Variants in PTDSS2 observed in about 807,000 individuals in gnomAD.
PTDSS2 encodes the protein phosphatidylserine synthase 2, also known as PSS-2.
PTDSS2 carries 41 observed loss-of-function variants against 64.7 expected under a neutral mutation model. The observed-to-expected ratio is 0.63, with a 90% CI of 0.49 to 0.82. The LOEUF (loss-of-function observed/expected upper bound fraction) is 0.82. Ranked by LOEUF, PTDSS2 falls within the 40% of genes least tolerant of loss-of-function variation. The pLI is 0.00. For synonymous variants in PTDSS2, 297 were observed against 277.8 expected, an observed-to-expected ratio of 1.07 and a Z score of -0.69; for missense variants, 485 against 650.0, an observed-to-expected ratio of 0.75 and a Z score of 2.76.
chr11:481,949 T>TC (rs969182588), intron 4 of PTDSS2, among the ~76,000 whole-genome samples: 1 of 151,480 alleles, frequency 6.6e-6, no homozygotes, highest in African/African-American at 2.4e-5. Flanking sequence ...TTCAAGCAAT[T>TC]CCCCTGCCTC....
rs748590071 is a variant in PTDSS2, at chr11:481,691, C to T, written c.435+2539C>T. 6.6e-4 allele frequency among the ~76,000 whole-genome samples: 100 copies of T among 152,272 alleles called. 2 individuals carry two copies. The highest frequency in any genetic ancestry group is 1.2e-3 in the Non-Finnish European group (82 of 68,024). On this transcript the variant is annotated intron_variant, in intron 4 of 11. Transcript: ENST00000308020. ...ATGTAGCTCATTTTTGTGTACTGAT[C>T]TTGCGTCCTGCAACCGTGCTGAACT...
Position 470,148 on chromosome 11 carries a change from G to A in PTDSS2, c.285-3747G>A, listed in dbSNP as rs987419454. On this transcript the variant is annotated intron_variant, in intron 2 of 11. Transcript: ENST00000308020. The surrounding 1 kb of genome is among the most constrained non-coding windows in gnomAD (Gnocchi z 5.3). ...TGGTGACCTGACCTCCTTCCTGGGC[G>A]TGCAGCACGGAGAGGGCAGTGGGAG... Among the ~76,000 whole-genome samples the A allele has an allele frequency of 3.9e-5, 6 of 152,190 alleles. No homozygotes were observed. The highest frequency in any genetic ancestry group is 4.8e-5 in the African/African-American group (2 of 41,444).
intron 4 of PTDSS2, among the ~76,000 whole-genome samples, chr11:485,352 G>A (rs115656099): frequency 0.012 from 1,726 of 141,458 alleles, 48 homozygotes; most frequent in African/African-American, 0.044. Context: ...TGCTCACTGC[G>A]CAGGCGTCTG....
intron 1 of PTDSS2, among the ~76,000 whole-genome samples, chr11:457,895 C>T (rs186399818): frequency 2.6e-5 from 4 of 152,292 alleles, no homozygotes; most frequent in Non-Finnish European, 5.9e-5. Flanking sequence ...CATCTTGCTC[C>T]GAGACCTCAC....
chr11:490,423 C>T lies in PTDSS2; in HGVS notation c.1305C>T (p.Asp435=), dbSNP rs11539813. Residue 435 remains aspartate (D), a synonymous_variant, in exon 12 of 12, where the codon GAC becomes GAT. Transcript: ENST00000308020. ...TWTVWRFFLR[D]ITLRYKETRW... ...GACGCTGCATCCCGCTCCCCAGGGA[C>T]ATCACATTGAGGTACAAGGAGACCC... is the stretch of plus-strand genomic sequence containing the variant. 8,432 of 1,613,240 alleles carry T rather than the reference C, an allele frequency of 5.2e-3. 35 individuals carry two copies. The highest frequency in any genetic ancestry group is 0.013 in the Middle Eastern group (77 of 6,062).
intron 1 of PTDSS2, among the ~76,000 whole-genome samples, chr11:457,704 C>G (rs1564961281): frequency 6.6e-6 from 1 of 152,198 alleles, no homozygotes; most frequent in South Asian, 2.1e-4. Context: ...GCATGTAAGT[C>G]TTTGACTGGA....
chr11:485,075 A>G (rs56088382), intron 4 of PTDSS2, among the ~76,000 whole-genome samples: 274 of 48,906 alleles, frequency 5.6e-3, no homozygotes, highest in Middle Eastern at 0.05. Flanking sequence ...CTGCACGGGC[A>G]CGTGTGCTTA....
intron 1 of PTDSS2, among the ~76,000 whole-genome samples, chr11:453,597 G>A (rs922204126): frequency 3.9e-5 from 6 of 152,196 alleles, no homozygotes; most frequent in African/African-American, 1.2e-4. Flanking sequence ...ATCCTGGATC[G>A]GGGCTTTCCC....
chr11:461,193 T>C lies in PTDSS2; in HGVS notation c.284+905T>C, dbSNP rs1164328048. ...ACAGCTCTTGGGCCAGCACTTCATTTTGTAAAGCAAGAGTCTCGCTATCTT... is the reference window on the plus strand; with the variant it reads ...ACAGCTCTTGGGCCAGCACTTCATTCTGTAAAGCAAGAGTCTCGCTATCTT... On this transcript the variant is annotated intron_variant, in intron 2 of 11. Transcript: ENST00000308020. This position sits in a 1 kb window ranked among gnomAD's most constrained non-coding sequence, Gnocchi z 4.2. The C allele has an allele frequency of 6.6e-6, 1 of 152,216 alleles. No individual in the cohort carries two copies. The allele number at this position is 152,216 out of a possible 1,614,324, so 9.4% of individuals were successfully genotyped here.
Position 488,546 on chromosome 11 carries a change from C to A in PTDSS2, c.753C>A (p.Leu251=). 1 of 1,613,404 alleles carries A rather than the reference C, an allele frequency of 6.2e-7. No homozygotes were observed. Among genetic ancestry groups the A allele is most frequent in the Non-Finnish European group, 8.5e-7 (1 of 1,179,888 alleles). ...CCCTGCAGTGGATCATGGACGTGCT[C>A]GTCTGCAACGGGCTGGGCATCTACT... The part of the protein sequence containing the change: ...CWWDHWIMDV[L]VCNGLGIYCG... Residue 251 remains leucine (L), a synonymous_variant, in exon 8 of 12, where the codon CTC becomes CTA. Transcript: ENST00000308020.
In PTDSS2 at chr11:476,381, T is replaced by G. The variant is rs1847804940; in HGVS notation, c.367+2404T>G. Among the ~76,000 whole-genome samples the G allele has an allele frequency of 6.6e-6, 1 of 152,062 alleles. No individual in the cohort carries two copies. The highest frequency in any genetic ancestry group is 2.4e-5 in the African/African-American group (1 of 41,390). On this transcript the variant is annotated intron_variant, in intron 3 of 11. Transcript: ENST00000308020. This position sits in a 1 kb window ranked among gnomAD's most constrained non-coding sequence, Gnocchi z 4.9. ...AGTGAAAGGCCTGGCGCGGTGATGG[T>G]GAGAAACTTCCCGGCACACAGTGAA...
chr11:488,471 C>T, intron 7 of PTDSS2, 58 bp from the exon 8 acceptor site: 1 of 1,482,916 alleles, frequency 6.7e-7, no homozygotes, highest in Non-Finnish European at 9.4e-7. Context: ...TTCCGGGGTC[C>T]TCCTCGGGGG....
At chr11:481,754 C>CT (rs1848080246) in intron 4 of PTDSS2, among the ~76,000 whole-genome samples, 2 of 152,028 alleles carry the variant, frequency 1.3e-5, no homozygotes, top group African/African-American at 4.8e-5. Context: ...GGGGTAGACT[C>CT]TTAAGAATAT....
intron 5 of PTDSS2, 169 bp downstream of exon 5, chr11:487,242 G>T (rs533724871): frequency 1.2e-5 from 11 of 944,790 alleles, no homozygotes; most frequent in African/African-American, 4.9e-5. Context: ...GTGGGCAGGG[G>T]GCCCCTGCTC....
Position 487,082 on chromosome 11 carries a change from C to T in PTDSS2, c.570+9C>T. On this transcript the variant is annotated intron_variant, in intron 5 of 11. Coordinates refer to ENST00000308020, the MANE Select transcript of PTDSS2 (RefSeq NM_030783.3). ...CCTTTCACAACATCTGGGTAAGACG[C>T]CGGGGGCCCTGAGGCGAGCCCCTCC... is the stretch of plus-strand genomic sequence containing the variant. 4 of 1,610,450 alleles carry T rather than the reference C, an allele frequency of 2.5e-6. No individual in the cohort carries two copies. In the South Asian group the frequency reaches 4.4e-5, roughly 18 times the overall value.
At chr11:465,666 C>G (rs1847106940) in intron 2 of PTDSS2, among the ~76,000 whole-genome samples, 1 of 152,034 alleles carries the variant, frequency 6.6e-6, no homozygotes, top group South Asian at 2.1e-4. Context: ...GGTTCATGCC[C>G]TTAATCCTAG....
chr11:485,970 T>C (rs1848354665), intron 4 of PTDSS2, among the ~76,000 whole-genome samples: 1 of 132,880 alleles, frequency 7.5e-6, no homozygotes, highest in Non-Finnish European at 1.6e-5. Context: ...GGCGCGCGTG[T>C]GCTCACCGTG....
chr11:485,320 TGTAA>T (rs1384187036), intron 4 of PTDSS2, among the ~76,000 whole-genome samples: 1 of 112,220 alleles, frequency 8.9e-6, no homozygotes, highest in Non-Finnish European at 1.7e-5. Context: ...CGCAGGCGAG[TGTAA>T]GTGCACGAGC....
At chr11:481,074 A>C (rs542264772) in intron 4 of PTDSS2, among the ~76,000 whole-genome samples, 21 of 144,432 alleles carry the variant, frequency 1.5e-4, no homozygotes, top group African/African-American at 5.2e-4. Context: ...ACAGAGCGAG[A>C]CTCCGCCTCA....
Sources: gnomAD v4.1 joint callset for allele counts (sites outside exome capture counted in the v4.1 genomes callset) on GRCh38, gnomAD v4.1.1 for gene constraint, Gnocchi (gnomAD v3.1) non-coding constraint, MANE v1.5 for transcripts, NCBI Gene and HGNC (gene_info 2026-07-23, HGNC 2026-07-21) for gene names.